NYAP2: variants seen among roughly 807,000 people sequenced by gnomAD.
NYAP2 encodes the protein neuronal tyrosine-phosphorylated phosphoinositide-3-kinase adapter 2.
A neutral mutation model predicts 50.4 loss-of-function variants in NYAP2; 23 were observed. That is an observed-to-expected ratio of 0.46 (90% CI 0.33 to 0.65). NYAP2 has a LOEUF of 0.65. Ranked by LOEUF, NYAP2 falls within the 30% of genes least tolerant of loss-of-function variation. The pLI, the probability that NYAP2 is intolerant of heterozygous loss-of-function variation, is 0.02. For missense variants in NYAP2, 885 were observed against 861.0 expected, an observed-to-expected ratio of 1.03 and a Z score of -0.35; for synonymous variants, 394 against 365.2, an observed-to-expected ratio of 1.08 and a Z score of -0.90.
intron 3 of NYAP2, among the ~76,000 whole-genome samples, chr2:225,444,586 A>G (rs1689522798): frequency 1.3e-5 from 2 of 152,214 alleles, no homozygotes; most frequent in African/African-American, 4.8e-5. Context: ...TGTTCAATCA[A>G]CTTCCTTGGA....
chr2:225,584,505 C>T (rs1332230588), intron 5 of NYAP2, among the ~76,000 whole-genome samples: 1 of 152,234 alleles, frequency 6.6e-6, no homozygotes, highest in Admixed American at 6.5e-5. Context: ...GCCGTAGGCA[C>T]CTAAGCTGAT....
At chr2:225,447,119 C>T (rs530535461) in intron 3 of NYAP2, among the ~76,000 whole-genome samples, 1 of 152,292 alleles carries the variant, frequency 6.6e-6, no homozygotes, top group African/African-American at 2.4e-5. Flanking sequence ...TCCTTGGCTC[C>T]AGCAGAAGTT....
At chr2:225,676,700 C>T in the NYAP2 span, among the ~76,000 whole-genome samples, 139 of 152,246 alleles carry the variant, frequency 9.1e-4, no homozygotes, top group Middle Eastern at 3.4e-3. Context: ...TCAGTCATCT[C>T]CCACCAGATC....
chr2:225,502,875 T>G (rs1380843726), intron 3 of NYAP2, among the ~76,000 whole-genome samples: 1 of 152,244 alleles, frequency 6.6e-6, no homozygotes, highest in Non-Finnish European at 1.5e-5. Flanking sequence ...CCCTGACCAC[T>G]CTGTTCTGTT....
At chr2:225,544,814 T>C (rs1019375933) in intron 4 of NYAP2, among the ~76,000 whole-genome samples, 1 of 152,208 alleles carries the variant, frequency 6.6e-6, no homozygotes, top group Non-Finnish European at 1.5e-5. Context: ...TGCTTGTTAA[T>C]ATTCTTTTCT....
At chr2:225,606,202 G>A (rs1017639898) in intron 5 of NYAP2, among the ~76,000 whole-genome samples, 10 of 152,092 alleles carry the variant, frequency 6.6e-5, no homozygotes, top group Admixed American at 2.0e-4. Context: ...GTACCCAGGG[G>A]CTCATAACCC....
At chr2:225,630,744 T>C (rs1693292902) in intron 6 of NYAP2, among the ~76,000 whole-genome samples, 2 of 152,208 alleles carry the variant, frequency 1.3e-5, no homozygotes, top group African/African-American at 2.4e-5. Context: ...TTTTTAAGGA[T>C]AGGGATAATG....
chr2:225,422,726 G>C (rs745555166), intron 3 of NYAP2, among the ~76,000 whole-genome samples: 5 of 152,142 alleles, frequency 3.3e-5, no homozygotes, highest in Non-Finnish European at 7.4e-5. Context: ...CTGTAGTGTA[G>C]AGATATCCTT....
intron 4 of NYAP2, among the ~76,000 whole-genome samples, chr2:225,539,821 C>A (rs1691425333): frequency 6.6e-6 from 1 of 152,074 alleles, no homozygotes; most frequent in Admixed American, 6.6e-5. Flanking sequence ...TGTCAGGCTG[C>A]AAATTTTCCA....
At chr2:225,682,993 G>A in the NYAP2 span, among the ~76,000 whole-genome samples, 2 of 138,564 alleles carry the variant, frequency 1.4e-5, no homozygotes, top group East Asian at 4.3e-4. Flanking sequence ...AAGAAAACTA[G>A]GGTAGTAATA....
intron 6 of NYAP2, among the ~76,000 whole-genome samples, chr2:225,630,190 T>C (rs1216405513): frequency 6.6e-6 from 1 of 152,160 alleles, no homozygotes; most frequent in Non-Finnish European, 1.5e-5. Flanking sequence ...GGTGACAAGA[T>C]AGCAAAAGTC....
the NYAP2 span, among the ~76,000 whole-genome samples, chr2:225,675,080 A>G: frequency 4.0e-5 from 6 of 151,810 alleles, no homozygotes; most frequent in African/African-American, 1.2e-4. Flanking sequence ...ATGTCATATT[A>G]GTGATTTTTT....
chr2:225,668,527 TTA>T, the NYAP2 span, among the ~76,000 whole-genome samples: 1 of 152,184 alleles, frequency 6.6e-6, no homozygotes, highest in African/African-American at 2.4e-5. Flanking sequence ...AGAAATCTAA[TTA>T]TGTTTTATCG....
chr2:225,400,431 G>A (rs1694841770), intron 1 of NYAP2, 130 bp from the exon 2 acceptor site: 1 of 152,068 alleles, frequency 6.6e-6, no homozygotes, highest in Non-Finnish European at 1.5e-5. Flanking sequence ...GAGGGACTAT[G>A]CCACAAGCTG....
the NYAP2 span, among the ~76,000 whole-genome samples, chr2:225,691,635 G>A: frequency 2.6e-5 from 4 of 152,088 alleles, no homozygotes; most frequent in Non-Finnish European, 5.9e-5. Flanking sequence ...TTCAATGAGA[G>A]CAATAACACC....
At chr2:225,428,236 C>A (rs1357796125) in intron 3 of NYAP2, among the ~76,000 whole-genome samples, 1 of 152,140 alleles carries the variant, frequency 6.6e-6, no homozygotes. Context: ...TTGTCCCAGT[C>A]ATAGTTGATT....
chr2:225,532,033 T>A (rs540373835), intron 4 of NYAP2, among the ~76,000 whole-genome samples: 1 of 152,364 alleles, frequency 6.6e-6, no homozygotes, highest in South Asian at 2.1e-4. Context: ...TAAAGAATAA[T>A]GTTATCAATT....
chr2:225,612,137 T>C (rs1458488245), intron 5 of NYAP2, among the ~76,000 whole-genome samples: 1 of 147,692 alleles, frequency 6.8e-6, no homozygotes, highest in African/African-American at 2.5e-5. Flanking sequence ...AGCTGAAAAC[T>C]ACTACAGGCT....
At chr2:225,431,628 C>T (rs1443995308) in intron 3 of NYAP2, among the ~76,000 whole-genome samples, 3 of 152,156 alleles carry the variant, frequency 2.0e-5, no homozygotes, top group African/African-American at 7.2e-5. Context: ...AAATGTCTTC[C>T]TCTGAACTCT....
Sources: gnomAD v4.1 joint callset for allele counts (sites outside exome capture counted in the v4.1 genomes callset) on GRCh38, gnomAD v4.1.1 for gene constraint, MANE v1.5 for transcripts, NCBI Gene and HGNC (gene_info 2026-07-23, HGNC 2026-07-21) for gene names.